ARRB1: variants seen among roughly 807,000 people sequenced by gnomAD.
ARRB1 encodes the protein arrestin beta 1, also known as beta-arrestin-1.
ARRB1 carries 21 observed loss-of-function variants against 56.8 expected under a neutral mutation model. The observed-to-expected ratio is 0.37, with a 90% confidence interval of 0.26 to 0.53. The LOEUF (loss-of-function observed/expected upper bound fraction) is 0.53, where lower values mean the gene tolerates loss of function less well. ARRB1 is among the 20% of genes least tolerant of loss of function. The pLI, the probability that ARRB1 is intolerant of heterozygous loss-of-function variation, is 0.88. For missense variants in ARRB1, 424 were observed against 553.7 expected, an observed-to-expected ratio of 0.77 and a Z score of 2.35; for synonymous variants, 210 against 218.6, an observed-to-expected ratio of 0.96 and a Z score of 0.35.
intron 1 of ARRB1, among the ~76,000 whole-genome samples, chr11:75,327,789 A>G (rs1221060347): frequency 6.6e-6 from 1 of 151,842 alleles, no homozygotes; most frequent in Non-Finnish European, 1.5e-5. Flanking sequence ...GGGTTTCGCC[A>G]TGTTGGCCAG....
At chr11:75,270,365 C>T (rs542425065) in intron 13 of ARRB1, among the ~76,000 whole-genome samples, 14 of 152,326 alleles carry the variant, frequency 9.2e-5, no homozygotes, top group Non-Finnish European at 1.8e-4. Context: ...CGCGGTGGCT[C>T]ACGCCTGTAA....
Position 75,306,553 on chromosome 11 carries a change from C to T in ARRB1, c.21-16514G>A, listed in dbSNP as rs570600046. ...TGGTGAGTCAGATAGAAAGTCTTACCCCATTTTACAGATGAGAGCCCAAAG... is the reference window on the plus strand; with the variant it reads ...TGGTGAGTCAGATAGAAAGTCTTACTCCATTTTACAGATGAGAGCCCAAAG... On this transcript the variant is annotated intron_variant, in intron 1 of 15. Transcript: ENST00000420843. 4 of 1,243,596 alleles carry T rather than the reference C, an allele frequency of 3.2e-6. No individual in the cohort carries two copies. The South Asian group carries it at 5.0e-5, about 16-fold the overall frequency. The allele number at this position is 1,243,596 out of a possible 1,614,324, so 77.0% of individuals were successfully genotyped here.
chr11:75,287,608 G>A (rs1946511773), intron 2 of ARRB1, among the ~76,000 whole-genome samples: 1 of 152,202 alleles, frequency 6.6e-6, no homozygotes, highest in African/African-American at 2.4e-5. Context: ...AGTCATTATT[G>A]TTCCTGTTTT....
chr11:75,292,148 A>ATT (rs1219416679), intron 1 of ARRB1, among the ~76,000 whole-genome samples: 18 of 151,806 alleles, frequency 1.2e-4, no homozygotes, highest in Non-Finnish European at 8.8e-5. Flanking sequence ...TTATTTATTT[A>ATT]TATTTTTTTG....
Position 75,263,378 on chromosome 11 carries a change from C to G in ARRB1, c.*2785G>C, listed in dbSNP as rs937442631. Among the ~76,000 whole-genome samples the G allele has an allele frequency of 2.0e-5, 3 of 152,226 alleles. No individual in the cohort carries two copies. Among genetic ancestry groups the G allele is most frequent in the African/African-American group, 4.8e-5 (2 of 41,466 alleles). On this transcript the variant is annotated 3_prime_UTR_variant, in exon 16 of 16. Coordinates refer to ENST00000420843, the MANE Select transcript of ARRB1 (RefSeq NM_004041.5). ...GCCTGTGTGTCCCTCGAGGCTGCAG[C>G]GTATGGCCGTGCAGCAGGGCACCTC...
intron 1 of ARRB1, among the ~76,000 whole-genome samples, chr11:75,308,238 GC>G (rs1312069236): frequency 2.6e-5 from 4 of 152,148 alleles, no homozygotes; most frequent in Admixed American, 2.0e-4. Flanking sequence ...CTCACCAGAG[GC>G]CCCAGGGGCC....
At chr11:75,267,775 G>A in intron 14 of ARRB1, 72 bp from the exon 15 acceptor site, 3 of 1,354,728 alleles carry the variant, frequency 2.2e-6, no homozygotes, top group Non-Finnish European at 3.1e-6. Flanking sequence ...GTAAGCACAG[G>A]CCCCCACCCT....
At chr11:75,317,823 C>T (rs1028688305) in intron 1 of ARRB1, among the ~76,000 whole-genome samples, 1 of 152,152 alleles carries the variant, frequency 6.6e-6, no homozygotes, top group East Asian at 1.9e-4. Context: ...ATGAGGACAG[C>T]GAGACTCTGA....
chr11:75,297,914 ATG>A (rs1428191754), intron 1 of ARRB1, among the ~76,000 whole-genome samples: 6 of 141,756 alleles, frequency 4.2e-5, no homozygotes, highest in Middle Eastern at 3.5e-3. Flanking sequence ...AAAGACCTAA[ATG>A]TAAAAGCTGC....
At position 75,281,227 on chromosome 11, in the gene ARRB1, G is replaced by A. The variant is rs1189864678; in HGVS notation, c.415-85C>T. On this transcript the variant is annotated intron_variant, in intron 6 of 15. Coordinates refer to ENST00000420843, the MANE Select transcript of ARRB1 (RefSeq NM_004041.5). The stretch of plus-strand genomic sequence containing the variant: ...CCAGCCCACCTCTCATTTTACAAAC[G>A]AGGACACTGGACAGGAACACCAAGC... 9 of 1,289,814 alleles carry A rather than the reference G, an allele frequency of 7.0e-6. No homozygotes were observed. The African/African-American group carries it at 7.4e-5, about 11-fold the overall frequency. 79.9% of individuals were successfully genotyped at this position (1,289,814 alleles called of 1,614,324 possible).
chr11:75,272,674 G>T, intron 12 of ARRB1: 1 of 555,378 alleles, frequency 1.8e-6, no homozygotes, highest in Non-Finnish European at 3.2e-6. Flanking sequence ...AAAGAGATGG[G>T]TGGGGGTAAG....
chr11:75,280,428 C>G (rs1276509096), intron 7 of ARRB1, among the ~76,000 whole-genome samples: 1 of 152,220 alleles, frequency 6.6e-6, no homozygotes, highest in East Asian at 1.9e-4. Context: ...GGCACATCAG[C>G]GTCGAGGGCC....
chr11:75,284,305 G>A, intron 3 of ARRB1, 26 bp from the exon 4 acceptor site: 1 of 1,596,282 alleles, frequency 6.3e-7, no homozygotes, highest in South Asian at 1.1e-5. Context: ...AGAGTAAGCG[G>A]CCTCTCCCAA....
intron 1 of ARRB1, among the ~76,000 whole-genome samples, chr11:75,297,587 G>A (rs766910608): frequency 7.2e-5 from 11 of 151,982 alleles, no homozygotes; most frequent in South Asian, 2.1e-4. Context: ...AAATGGGGCC[G>A]GGCGCTGTGT....
At chr11:75,339,904 G>T (rs916918607) in intron 1 of ARRB1, among the ~76,000 whole-genome samples, 1 of 152,218 alleles carries the variant, frequency 6.6e-6, no homozygotes, top group African/African-American at 2.4e-5. Flanking sequence ...CTAGCCCGAG[G>T]CCCGGGGAGA....
At chr11:75,332,384 A>AAAAAGGATT (rs1451771112) in intron 1 of ARRB1, among the ~76,000 whole-genome samples, 1 of 152,234 alleles carries the variant, frequency 6.6e-6, no homozygotes. Context: ...TTTTTCTTCG[A>AAAAAGGATT]GGCCCTCCCA....
chr11:75,320,988 TCAACA>T (rs1160501958), intron 1 of ARRB1, among the ~76,000 whole-genome samples: 1 of 147,194 alleles, frequency 6.8e-6, no homozygotes, highest in East Asian at 2.0e-4. Flanking sequence ...CCCTCTGCCC[TCAACA>T]CAACACACGT....
Position 75,262,468 on chromosome 11 carries a change from T to G in ARRB1, c.*3695A>C, listed in dbSNP as rs773228994. 5 of 152,248 alleles carry G rather than the reference T, an allele frequency of 3.3e-5. No individual in the cohort carries two copies. The highest frequency in any genetic ancestry group is 5.9e-5 in the Non-Finnish European group (4 of 68,050). 9.4% of individuals were successfully genotyped at this position (152,248 alleles called of 1,614,324 possible). On this transcript the variant is annotated 3_prime_UTR_variant, in exon 16 of 16. Coordinates refer to ENST00000420843, the MANE Select transcript of ARRB1 (RefSeq NM_004041.5). ...CAAATTGGCTGTATCTCATTCTGGTTGACATCTGCCTAAGTGAGAAGCAGG... is the reference window on the plus strand; with the variant it reads ...CAAATTGGCTGTATCTCATTCTGGTGGACATCTGCCTAAGTGAGAAGCAGG...
Position 75,266,114 on chromosome 11 carries a change from G to T in ARRB1, c.*49C>A. The stretch of plus-strand genomic sequence containing the variant: ...ACAGGAAGAAGACGAGTAAGCATCC[G>T]AGTGCACGAGAGTGGAGCCGGAGCC... On this transcript the variant is annotated 3_prime_UTR_variant, in exon 16 of 16. Coordinates refer to ENST00000420843, the MANE Select transcript of ARRB1 (RefSeq NM_004041.5). The T allele has an allele frequency of 7.2e-7, 1 of 1,394,314 alleles. No homozygotes were observed. Among genetic ancestry groups the T allele is most frequent in the Non-Finnish European group, 1.0e-6 (1 of 980,206 alleles). 86.4% of individuals were successfully genotyped at this position (1,394,314 alleles called of 1,614,324 possible).
Sources: allele counts gnomAD v4.1 joint callset (sites outside exome capture counted in the v4.1 genomes callset), GRCh38; gene constraint gnomAD v4.1.1; transcripts MANE v1.5; gene names NCBI Gene and HGNC (gene_info 2026-07-23, HGNC 2026-07-21).